Variants in SYNDIG1 observed in about 807,000 individuals in gnomAD.
SYNDIG1 encodes synapse differentiation-inducing gene protein 1.
In SYNDIG1, 9 loss-of-function variants were observed where a neutral mutation model predicts 19.4. That is an observed-to-expected ratio of 0.46 (90% CI 0.28 to 0.81). The LOEUF is 0.81. Ranked by LOEUF, SYNDIG1 falls within the 30% of genes least tolerant of loss-of-function variation. The probability of loss-of-function intolerance (pLI) is 0.12; values close to 1 mark genes in which losing one functional copy is unlikely to be tolerated. For synonymous variants in SYNDIG1, 141 were observed against 145.9 expected (o/e 0.97, Z 0.24); for missense variants, 311 against 343.3 (o/e 0.91, Z 0.74).
chr20:24,504,559 G>A (rs1299984385), intron 1 of SYNDIG1, among the ~76,000 whole-genome samples: 1 of 152,142 alleles, frequency 6.6e-6, no homozygotes, highest in Non-Finnish European at 1.5e-5. Context: ...AGGCTGCCTG[G>A]GGGCTGGGAC....
chr20:24,512,153 A>ATATATATATATATG, intron 1 of SYNDIG1, among the ~76,000 whole-genome samples: 1 of 112,808 alleles, frequency 8.9e-6, no homozygotes, highest in South Asian at 3.0e-4. Context: ...ATATATATAT[A>ATATATATATATATG]TGCAGTGGTT....
At chr20:24,562,201 C>T (rs1340105826) in intron 2 of SYNDIG1, among the ~76,000 whole-genome samples, 1 of 152,132 alleles carries the variant, frequency 6.6e-6, no homozygotes, top group African/African-American at 2.4e-5. Context: ...CTTATAGTTG[C>T]ATCTCATTTT....
chr20:24,613,327 A>G (rs1463013979), intron 3 of SYNDIG1, among the ~76,000 whole-genome samples: 1 of 152,160 alleles, frequency 6.6e-6, no homozygotes, highest in Non-Finnish European at 1.5e-5. Context: ...TCTGCAAATC[A>G]GAGAGAAAGC....
intron 3 of SYNDIG1, among the ~76,000 whole-genome samples, chr20:24,646,931 C>G (rs2059428053): frequency 6.6e-6 from 1 of 152,180 alleles, no homozygotes; most frequent in Non-Finnish European, 1.5e-5. Context: ...GATGCTCAGT[C>G]TTGAATTTTC....
chr20:24,517,562 T>C (rs2056902703), intron 1 of SYNDIG1, among the ~76,000 whole-genome samples: 1 of 145,710 alleles, frequency 6.9e-6, no homozygotes, highest in Non-Finnish European at 1.5e-5. Flanking sequence ...GAGCTTGCAG[T>C]GAGCCGAGAT....
chr20:24,665,015 T>A (rs969441456), intron 3 of SYNDIG1, among the ~76,000 whole-genome samples: 1 of 152,160 alleles, frequency 6.6e-6, no homozygotes, highest in African/African-American at 2.4e-5. Context: ...ATCTAGCCCA[T>A]CCCTCAGTAC....
At chr20:24,540,269 T>C (rs1479974051) in intron 1 of SYNDIG1, among the ~76,000 whole-genome samples, 1 of 152,250 alleles carries the variant, frequency 6.6e-6, no homozygotes, top group Admixed American at 6.5e-5. Context: ...CCTGCTACTT[T>C]GCTAACTTCA....
intron 3 of SYNDIG1, among the ~76,000 whole-genome samples, chr20:24,657,679 A>G (rs575846621): frequency 6.6e-6 from 1 of 152,276 alleles, no homozygotes; most frequent in Non-Finnish European, 1.5e-5. Context: ...TCTGCGTGTG[A>G]GACCCTTTGC....
intron 1 of SYNDIG1, among the ~76,000 whole-genome samples, chr20:24,470,302 C>G (rs1305617935): frequency 6.6e-6 from 1 of 152,204 alleles, no homozygotes; most frequent in Non-Finnish European, 1.5e-5. Flanking sequence ...CAGACTAATT[C>G]TCCGAGCGGA....
chr20:24,637,663 C>T (rs992990563), intron 3 of SYNDIG1, among the ~76,000 whole-genome samples: 12 of 152,198 alleles, frequency 7.9e-5, no homozygotes, highest in Non-Finnish European at 2.9e-5. Flanking sequence ...AAGGTGATGC[C>T]AGAAACAGAA....
intron 1 of SYNDIG1, among the ~76,000 whole-genome samples, chr20:24,477,294 A>G (rs1348325888): frequency 1.3e-5 from 2 of 151,652 alleles, no homozygotes; most frequent in African/African-American, 4.8e-5. Context: ...CCGTCTCACC[A>G]TTGATGTTGG....
At chr20:24,634,397 C>T (rs1433610136) in intron 3 of SYNDIG1, among the ~76,000 whole-genome samples, 1 of 152,146 alleles carries the variant, frequency 6.6e-6, no homozygotes, top group Non-Finnish European at 1.5e-5. Context: ...TATAGGATAT[C>T]CACAAGTGAA....
At chr20:24,642,154 C>T (rs184507041) in intron 3 of SYNDIG1, among the ~76,000 whole-genome samples, 4 of 152,350 alleles carry the variant, frequency 2.6e-5, no homozygotes, top group Admixed American at 2.6e-4. Flanking sequence ...TTCCTCTTGG[C>T]TGTGACAGTT....
At chr20:24,611,214 G>T (rs1050490083) in intron 3 of SYNDIG1, among the ~76,000 whole-genome samples, 1 of 152,080 alleles carries the variant, frequency 6.6e-6, no homozygotes, top group Non-Finnish European at 1.5e-5. Flanking sequence ...AAGGCTCCTG[G>T]CCTCTCCATT....
In SYNDIG1 at chr20:24,568,262, A is replaced by G. The variant is rs576643210; in HGVS notation, c.481-16594A>G. The stretch of plus-strand genomic sequence containing the variant: ...ATGTGCTTTCTTTTTGTTTCAGGTA[A>G]TGAGCTGAAAGAAATAAATGTGCTC... On this transcript the variant is annotated intron_variant, in intron 2 of 3. Transcript: ENST00000376862. Among the ~76,000 whole-genome samples the G allele has an allele frequency of 3.9e-5, 6 of 152,308 alleles. No individual in the cohort carries two copies. In the South Asian group the frequency reaches 1.2e-3, roughly 32 times the overall value.
intron 2 of SYNDIG1, among the ~76,000 whole-genome samples, chr20:24,580,939 A>T (rs765658320): frequency 6.6e-6 from 1 of 152,228 alleles, no homozygotes; most frequent in Non-Finnish European, 1.5e-5. Flanking sequence ...GTCCGGGTCA[A>T]CGGTTCCCCA....
intron 2 of SYNDIG1, among the ~76,000 whole-genome samples, chr20:24,552,449 C>A (rs1842976006): frequency 6.6e-6 from 1 of 152,002 alleles, no homozygotes; most frequent in Admixed American, 6.6e-5. Context: ...TAATGCTATC[C>A]CTCCCCCATC....
In SYNDIG1 at chr20:24,504,526, C is replaced by G. The variant is rs188789149; in HGVS notation, c.-79+34773C>G. On this transcript the variant is annotated intron_variant, in intron 1 of 3. Transcript: ENST00000376862. ...TCTGGATGCCACCCTCACCCTGGCT[C>G]TAGGTCTCCATCTGTGGCTCGGAGG... 5.9e-5 allele frequency among the ~76,000 whole-genome samples: 9 copies of G among 152,166 alleles called. No homozygotes were observed. In the South Asian group the frequency reaches 1.5e-3, roughly 25 times the overall value.
intron 3 of SYNDIG1, among the ~76,000 whole-genome samples, chr20:24,648,291 G>A (rs2059439812): frequency 2.0e-5 from 3 of 152,332 alleles, no homozygotes; most frequent in Middle Eastern, 3.4e-3. Context: ...TTTAAGACAG[G>A]AGGTTTGTGG....
Sources: gnomAD v4.1 joint callset for allele counts (sites outside exome capture counted in the v4.1 genomes callset) on GRCh38, gnomAD v4.1.1 for gene constraint, MANE v1.5 for transcripts, NCBI Gene and HGNC (gene_info 2026-07-23, HGNC 2026-07-21) for gene names.